The following AGO3 variants were observed in gnomAD, a reference collection of about 807,000 sequenced individuals.
AGO3 encodes argonaute RISC catalytic component 3.
Under a neutral mutation model 105.5 loss-of-function variants are expected in AGO3, and 16 were observed. That is an observed-to-expected ratio of 0.15 (90% CI 0.10 to 0.23). The LOEUF is 0.23. Among genes scored for constraint, AGO3 ranks in the 10% least tolerant of loss-of-function variants. AGO3 has a pLI of 1.00. For missense variants in AGO3, 534 were observed against 1,088.0 expected, an observed-to-expected ratio of 0.49 and a Z score of 7.16; for synonymous variants, 340 against 367.3, an observed-to-expected ratio of 0.93 and a Z score of 0.85.
chr1:36,009,193 A>G, intron 8 of AGO3, 149 bp downstream of exon 8: 1 of 1,120,364 alleles, frequency 8.9e-7, no homozygotes, highest in Non-Finnish European at 1.2e-6. Context: ...CTGTAATGAA[A>G]TAACACGAAA....
intron 5 of AGO3, among the ~76,000 whole-genome samples, chr1:35,989,784 A>G (rs1337338513): frequency 6.6e-6 from 1 of 152,034 alleles, no homozygotes; most frequent in Non-Finnish European, 1.5e-5. Flanking sequence ...TTGAGGTGGG[A>G]GAATCACTTG....
At chr1:35,990,440 G>A (rs528190549) in intron 5 of AGO3, among the ~76,000 whole-genome samples, 28 of 152,204 alleles carry the variant, frequency 1.8e-4, no homozygotes, top group South Asian at 8.3e-4. Flanking sequence ...CCCGGGAGGC[G>A]GAGCTTGCAG....
intron 11 of AGO3, among the ~76,000 whole-genome samples, chr1:36,021,027 G>A (rs544069057): frequency 6.6e-6 from 1 of 151,954 alleles, no homozygotes; most frequent in Non-Finnish European, 1.5e-5. Context: ...CTGCCTCCCA[G>A]GGTCAAGCAG....
chr1:35,958,443 T>C (rs1375086635), intron 2 of AGO3, among the ~76,000 whole-genome samples: 1 of 152,052 alleles, frequency 6.6e-6, no homozygotes, highest in Non-Finnish European at 1.5e-5. Flanking sequence ...GACAGATCAC[T>C]TGATCTCAGG....
At chr1:36,000,572 G>C (rs1640037595) in intron 5 of AGO3, among the ~76,000 whole-genome samples, 2 of 152,050 alleles carry the variant, frequency 1.3e-5, no homozygotes, top group Non-Finnish European at 2.9e-5. Flanking sequence ...AATTTTACCT[G>C]TAGGATTAAA....
rs750713546 is a variant in AGO3, at chr1:36,036,155, C to G, written c.1752-22C>G. 31 of 1,607,002 alleles carry G rather than the reference C, an allele frequency of 1.9e-5. No individual in the cohort carries two copies. In the East Asian group the frequency reaches 6.5e-4, roughly 34 times the overall value. On this transcript the variant is annotated intron_variant, in intron 13 of 18. Coordinates refer to ENST00000373191, the MANE Select transcript of AGO3 (RefSeq NM_024852.4). The stretch of plus-strand genomic sequence containing the variant: ...ATACTGAAAAAATGAAATATCTAAC[C>G]CTTTTTCAAAATGTGTTTAAGACCT...
At chr1:35,974,705 C>A (rs1298083212) in intron 5 of AGO3, among the ~76,000 whole-genome samples, 1 of 152,078 alleles carries the variant, frequency 6.6e-6, no homozygotes, top group African/African-American at 2.4e-5. Context: ...GTTCACTGAT[C>A]GTTGTGGCCC....
At chr1:35,966,519 A>C (rs371332416) in intron 2 of AGO3, among the ~76,000 whole-genome samples, 37 of 152,324 alleles carry the variant, frequency 2.4e-4, no homozygotes, top group Middle Eastern at 3.4e-3. Flanking sequence ...CAGGAGGCTC[A>C]CAGTTAGAAG....
Position 36,055,248 on chromosome 1 carries a change from A to G in AGO3, c.2474+103A>G. 2 of 1,259,384 alleles carry G rather than the reference A, an allele frequency of 1.6e-6. No homozygotes were observed. The highest frequency in any genetic ancestry group is 2.7e-4 in the Middle Eastern group (1 of 3,750). The allele number at this position is 1,259,384 out of a possible 1,614,324, so 78.0% of individuals were successfully genotyped here. ...ATTAGCGGAGTCAGTGATCCATGTG[A>G]AAAATGATGACAGAACTGACTGCCC... On this transcript the variant is annotated intron_variant, in intron 18 of 18. Coordinates refer to ENST00000373191, the MANE Select transcript of AGO3 (RefSeq NM_024852.4). This position sits in a 1 kb window ranked among gnomAD's most constrained non-coding sequence, Gnocchi z 4.4.
chr1:36,048,829 A>G (rs1642580477), intron 17 of AGO3, among the ~76,000 whole-genome samples: 2 of 152,138 alleles, frequency 1.3e-5, no homozygotes, highest in African/African-American at 4.8e-5. Flanking sequence ...GGCTGGGACT[A>G]CAGGCATGCA....
chr1:36,013,808 G>GA, intron 10 of AGO3, 56 bp downstream of exon 10: 1 of 1,602,834 alleles, frequency 6.2e-7, no homozygotes, highest in Non-Finnish European at 8.5e-7. Context: ...AGTATGAAGA[G>GA]AAAGGCATAT....
rs925724575 is a variant in AGO3, at chr1:36,071,818, G to A, written c.*16073G>A. Reference sequence around the variant, plus strand: ...TAAGATTTTGAATGAGACTAAACTTGACTGCCATATTTTAAGAGGAAATTG... The same window carrying A: ...TAAGATTTTGAATGAGACTAAACTTAACTGCCATATTTTAAGAGGAAATTG... On this transcript the variant is annotated 3_prime_UTR_variant, in exon 19 of 19. Transcript: ENST00000373191. 1 of 152,136 alleles carries A rather than the reference G, an allele frequency of 6.6e-6. No homozygotes were observed. The highest frequency in any genetic ancestry group is 2.4e-5 in the African/African-American group (1 of 41,430). The allele number at this position is 152,136 out of a possible 1,614,324, so 9.4% of individuals were successfully genotyped here.
intron 12 of AGO3, among the ~76,000 whole-genome samples, chr1:36,031,786 A>G (rs915631099): frequency 1.3e-5 from 2 of 151,222 alleles, no homozygotes; most frequent in African/African-American, 4.9e-5. Context: ...GAGTCCTACA[A>G]TATTTGGCTT....
intron 1 of AGO3, among the ~76,000 whole-genome samples, chr1:35,932,455 G>C (rs1478224519): frequency 6.6e-6 from 1 of 152,058 alleles, no homozygotes; most frequent in Non-Finnish European, 1.5e-5. Flanking sequence ...AAAGAAACCA[G>C]TGACATAACG....
In AGO3 at chr1:36,057,360, G is replaced by A. The variant is rs1165447056; in HGVS notation, c.*1615G>A. On this transcript the variant is annotated 3_prime_UTR_variant, in exon 19 of 19. Coordinates refer to ENST00000373191, the MANE Select transcript of AGO3 (RefSeq NM_024852.4). The stretch of plus-strand genomic sequence containing the variant: ...TTTTTATATATATATATGTATGTGT[G>A]TGTATATAAACACATATGTATGTGT... The A allele has an allele frequency of 6.6e-6, 1 of 151,788 alleles. No individual in the cohort carries two copies. Among genetic ancestry groups the A allele is most frequent in the Non-Finnish European group, 1.5e-5 (1 of 67,966 alleles). The allele number at this position is 151,788 out of a possible 1,614,324, so 9.4% of individuals were successfully genotyped here. A position where few individuals can be genotyped will look rare whatever the true frequency, so the allele number is the denominator to read the frequency against.
chr1:35,991,306 CAG>C (rs2148794587), intron 5 of AGO3, among the ~76,000 whole-genome samples: 1 of 152,008 alleles, frequency 6.6e-6, no homozygotes, highest in South Asian at 2.1e-4. Flanking sequence ...AAAACAAAAA[CAG>C]TAATGGCTGC....
intron 17 of AGO3, among the ~76,000 whole-genome samples, chr1:36,053,699 C>G (rs1034070746): frequency 6.6e-6 from 1 of 151,816 alleles, no homozygotes; most frequent in South Asian, 2.1e-4. Flanking sequence ...CTGCCTCAGC[C>G]TCCCACCTAG....
chr1:36,004,506 C>G (rs750942436), intron 6 of AGO3, 31 bp downstream of exon 6: 1 of 1,540,562 alleles, frequency 6.5e-7, no homozygotes, highest in South Asian at 1.3e-5. Flanking sequence ...CACAACTTAA[C>G]TATAAAATGC....
In AGO3 at chr1:36,055,717, A is replaced by T; in HGVS notation, c.2555A>T (p.Asp852Val). 1 of 1,614,218 alleles carries T rather than the reference A, an allele frequency of 6.2e-7. No homozygotes were observed. The change falls in exon 19 of 19, where the codon GAT becomes GTT. Residue 852 changes from aspartate to valine, a missense_variant. Around this residue, in one of 2 missense-constraint regions of AGO3, gnomAD observed 373 missense variants for 854.0 expected, o/e 0.44. Transcript: ENST00000373191. The surrounding 1 kb of genome is among the most constrained non-coding windows in gnomAD (Gnocchi z 4.4). ...GCCAAGGCTGTACAGATTCACCAAGATACCTTACGCACAATGTACTTCGCT... is the reference window on the plus strand; with the variant it reads ...GCCAAGGCTGTACAGATTCACCAAGTTACCTTACGCACAATGTACTTCGCT... ...ALAKAVQIHQ[D>V]TLRTMYFA
Sources: allele counts gnomAD v4.1 joint callset (sites outside exome capture counted in the v4.1 genomes callset), GRCh38; gene constraint gnomAD v4.1.1; regional missense constraint gnomAD v4.1.1; non-coding constraint Gnocchi (gnomAD v3.1); transcripts MANE v1.5; gene names NCBI Gene and HGNC (gene_info 2026-07-23, HGNC 2026-07-21).